Variants in SHROOM3 observed in about 807,000 individuals in gnomAD.
SHROOM3 encodes the protein shroom family member 3.
Under a neutral mutation model 138.6 loss-of-function variants are expected in SHROOM3, and 47 were observed. That is an observed-to-expected ratio of 0.34 (90% CI 0.27 to 0.43). The LOEUF (loss-of-function observed/expected upper bound fraction) is 0.43, where lower values mean the gene tolerates loss of function less well. Among genes scored for constraint, SHROOM3 ranks in the 20% least tolerant of loss-of-function variants. SHROOM3 has a pLI of 1.00. For missense variants in SHROOM3, 2,491 were observed against 2,596.5 expected (o/e 0.96, Z 0.88); for synonymous variants, 1,062 against 1,063.3 (o/e 1.00, Z 0.02).
rs1479251388 is a variant in SHROOM3, at chr4:76,584,581, G to A, written c.323+28818G>A. Among the ~76,000 whole-genome samples, 3 of 152,170 alleles carry A rather than the reference G, an allele frequency of 2.0e-5. No individual in the cohort carries two copies. In the South Asian group the frequency reaches 6.2e-4, roughly 32 times the overall value. On this transcript the variant is annotated intron_variant, in intron 2 of 10. Coordinates refer to ENST00000296043, the MANE Select transcript of SHROOM3 (RefSeq NM_020859.4). ...ATGTTCTGGTCTTTTCAGGAATGGC[G>A]TTCCCATACTAGCCGGCTGATTGTG...
intron 4 of SHROOM3, among the ~76,000 whole-genome samples, chr4:76,732,552 A>G (rs558261733): frequency 6.6e-6 from 1 of 152,184 alleles, no homozygotes; most frequent in Non-Finnish European, 1.5e-5. Context: ...GTCCTTCCCA[A>G]TCACCCTGAA....
intron 1 of SHROOM3, among the ~76,000 whole-genome samples, chr4:76,467,074 A>C: frequency 6.9e-6 from 1 of 144,894 alleles, no homozygotes; most frequent in African/African-American, 2.5e-5. Context: ...ACAGGGTCTC[A>C]CTCTGTCACC....
chr4:76,534,140 G>T (rs1408641189), intron 1 of SHROOM3, among the ~76,000 whole-genome samples: 1 of 152,198 alleles, frequency 6.6e-6, no homozygotes, highest in Non-Finnish European at 1.5e-5. Context: ...GTAGCCTTCT[G>T]GTGTGTGTGT....
intron 1 of SHROOM3, among the ~76,000 whole-genome samples, chr4:76,530,319 A>C (rs1362227121): frequency 6.6e-6 from 1 of 152,126 alleles, no homozygotes; most frequent in Admixed American, 6.5e-5. Context: ...TTGGAACTTC[A>C]TGTTCATTTC....
chr4:76,603,199 A>G (rs903557591), intron 2 of SHROOM3, among the ~76,000 whole-genome samples: 15 of 152,208 alleles, frequency 9.9e-5, no homozygotes, highest in South Asian at 2.1e-4. Context: ...AGAACGGATC[A>G]TGAAGTCAGG....
At chr4:76,662,490 G>A (rs1267524715) in intron 2 of SHROOM3, among the ~76,000 whole-genome samples, 2 of 152,146 alleles carry the variant, frequency 1.3e-5, no homozygotes, top group African/African-American at 4.8e-5. Context: ...AGACTCACCT[G>A]CCTGGGCCAA....
chr4:76,558,975 GCCAACGTTCTCCTCT>G (rs1231178313), intron 2 of SHROOM3, among the ~76,000 whole-genome samples: 1 of 152,160 alleles, frequency 6.6e-6, no homozygotes, highest in Non-Finnish European at 1.5e-5. Flanking sequence ...GAATCATGCT[GCCAACGTTCTCCTCT>G]CCATTTTCAT....
At chr4:76,723,118 A>T (rs529523656) in intron 3 of SHROOM3, among the ~76,000 whole-genome samples, 2 of 152,280 alleles carry the variant, frequency 1.3e-5, no homozygotes, top group East Asian at 3.9e-4. Flanking sequence ...TCCAACTAAT[A>T]GTTGTCACTT....
At chr4:76,541,919 G>A (rs947637879) in intron 1 of SHROOM3, among the ~76,000 whole-genome samples, 8 of 152,138 alleles carry the variant, frequency 5.3e-5, no homozygotes, top group Admixed American at 1.3e-4. Context: ...AGCAGAGGAA[G>A]GACTGGGATC....
chr4:76,702,528 G>A (rs1719931104), intron 2 of SHROOM3, among the ~76,000 whole-genome samples: 1 of 152,160 alleles, frequency 6.6e-6, no homozygotes, highest in African/African-American at 2.4e-5. Flanking sequence ...GGAAAAAACA[G>A]GCATAAGAGG....
At chr4:76,577,413 C>G (rs1349386407) in intron 2 of SHROOM3, among the ~76,000 whole-genome samples, 1 of 152,108 alleles carries the variant, frequency 6.6e-6, no homozygotes, top group Non-Finnish European at 1.5e-5. Context: ...CCTTCATTGC[C>G]CTGTTCTTCC....
rs748142702 is a variant in SHROOM3, at chr4:76,740,824, G to A, written c.2651G>A (p.Arg884Gln). 2.5e-6 allele frequency: 4 copies of A among 1,600,928 alleles called. No homozygotes were observed. The highest frequency in any genetic ancestry group is 3.4e-6 in the Non-Finnish European group (4 of 1,174,136). Residue 884 changes from arginine (R) to glutamine (Q), a missense_variant, in exon 5 of 11, where the codon CGG becomes CAG. Arg to Gln is a conservative substitution (Grantham distance 43, BLOSUM62 1). This residue lies in a region of SHROOM3 where 1,733 missense variants were observed against 1,661.6 expected (regional missense o/e 1.04). Transcript: ENST00000296043. This position sits in a 1 kb window ranked among gnomAD's most constrained non-coding sequence, Gnocchi z 4.0. ...SGRGPQRPDARLLRSQSTFQL... is the reference protein window; with the variant it reads ...SGRGPQRPDAQLLRSQSTFQL... ...CGTGGCCCCCAGAGGCCGGACGCTCGGCTCCTCCGTAGCCAGAGCACCTTC... is the reference window on the plus strand; with the variant it reads ...CGTGGCCCCCAGAGGCCGGACGCTCAGCTCCTCCGTAGCCAGAGCACCTTC...
chr4:76,602,224 T>C (rs1734521567), intron 2 of SHROOM3, among the ~76,000 whole-genome samples: 1 of 152,268 alleles, frequency 6.6e-6, no homozygotes, highest in East Asian at 1.9e-4. Flanking sequence ...CCAATCCCTA[T>C]GATAAGTACT....
chr4:76,778,767 C>G, intron 10 of SHROOM3, 42 bp from the exon 11 acceptor site: 1 of 1,611,688 alleles, frequency 6.2e-7, no homozygotes, highest in Non-Finnish European at 8.5e-7. Flanking sequence ...TCTTTTCTCC[C>G]TTTCCCTGGC....
chr4:76,719,295 A>G (rs1720468957), intron 3 of SHROOM3, among the ~76,000 whole-genome samples: 1 of 152,240 alleles, frequency 6.6e-6, no homozygotes, highest in South Asian at 2.1e-4. Context: ...TATGGCACAG[A>G]AAAACAGTAT....
At chr4:76,487,568 T>A (rs780164183) in intron 1 of SHROOM3, among the ~76,000 whole-genome samples, 22 of 152,228 alleles carry the variant, frequency 1.4e-4, no homozygotes, top group Non-Finnish European at 2.6e-4. Context: ...CTGGCTTGGC[T>A]GGTAATTCTG....
intron 2 of SHROOM3, among the ~76,000 whole-genome samples, chr4:76,568,507 C>A (rs1169618190): frequency 6.6e-6 from 1 of 152,164 alleles, no homozygotes. Flanking sequence ...TCTCCTGTAT[C>A]CCCCACCAAA....
intron 2 of SHROOM3, among the ~76,000 whole-genome samples, chr4:76,665,796 C>T (rs963937976): frequency 6.6e-6 from 1 of 152,078 alleles, no homozygotes; most frequent in South Asian, 2.1e-4. Context: ...GGCTTGCATC[C>T]TTTTTTTGTA....
intron 1 of SHROOM3, among the ~76,000 whole-genome samples, chr4:76,553,469 T>C (rs1733410217): frequency 6.6e-6 from 1 of 151,740 alleles, no homozygotes; most frequent in Non-Finnish European, 1.5e-5. Context: ...AGAGACGGGG[T>C]TTCACCATGT....
Sources: allele counts gnomAD v4.1 joint callset (sites outside exome capture counted in the v4.1 genomes callset), GRCh38; gene constraint gnomAD v4.1.1; regional missense constraint gnomAD v4.1.1; non-coding constraint Gnocchi (gnomAD v3.1); transcripts MANE v1.5; gene names NCBI Gene and HGNC (gene_info 2026-07-23, HGNC 2026-07-21).